GALNT18: variants seen among roughly 807,000 people sequenced by gnomAD.
GALNT18 encodes polypeptide N-acetylgalactosaminyltransferase 18, also known as GalNAc-transferase 18.
Under a neutral mutation model 69.5 loss-of-function variants are expected in GALNT18, and 44 were observed. That is an observed-to-expected ratio of 0.63 (90% CI 0.50 to 0.81). GALNT18 has a LOEUF of 0.81. GALNT18 is among the 40% of genes least tolerant of loss of function. The pLI is 0.00. For missense variants in GALNT18, 715 were observed against 810.0 expected (o/e 0.88, Z 1.42); for synonymous variants, 364 against 318.2 (o/e 1.14, Z -1.53).
chr11:11,457,545 C>A (rs12161778), intron 1 of GALNT18, among the ~76,000 whole-genome samples: 28,011 of 152,138 alleles, frequency 0.18, 2,768 homozygotes, highest in South Asian at 0.26. Flanking sequence ...TAGGGCTCCC[C>A]CCTCAAGGTT....
At chr11:11,280,330 C>CT (rs1465216196) in intron 10 of GALNT18, among the ~76,000 whole-genome samples, 2 of 152,162 alleles carry the variant, frequency 1.3e-5, no homozygotes, top group East Asian at 3.9e-4. Flanking sequence ...TGAAAGAGAC[C>CT]TTGAAGGCCA....
chr11:11,581,668 G>A (rs188399921), intron 1 of GALNT18, among the ~76,000 whole-genome samples: 62 of 152,110 alleles, frequency 4.1e-4, no homozygotes, highest in Non-Finnish European at 6.5e-4. Context: ...ACTTTATCCC[G>A]CCTGGCTCCT....
At position 11,543,401 on chromosome 11, in the gene GALNT18, G is replaced by A. The variant is rs1279183554; in HGVS notation, c.235+77958C>T. 6.6e-6 allele frequency among the ~76,000 whole-genome samples: 1 copy of A among 152,252 alleles called. No individual in the cohort carries two copies. Among genetic ancestry groups the A allele is most frequent in the African/African-American group, 2.4e-5 (1 of 41,540 alleles). ...GACGTGGTGAGGACAAAGGAGCCTC[G>A]ATGGAGACCCACTCTGGAACTGGAT... is the stretch of plus-strand genomic sequence containing the variant. On this transcript the variant is annotated intron_variant, in intron 1 of 10. Transcript: ENST00000227756. The surrounding 1 kb of genome is among the most constrained non-coding windows in gnomAD (Gnocchi z 5.1).
Position 11,340,921 on chromosome 11 carries a change from C to G in GALNT18, c.1176G>C (p.Glu392Asp), listed in dbSNP as rs1171324770. Residue 392 changes from glutamate to aspartate, a missense_variant, in exon 7 of 11, where the codon GAG (glutamate) becomes GAC (aspartate). Glu to Asp is a conservative substitution (Grantham distance 45, BLOSUM62 2). Coordinates refer to ENST00000227756, the MANE Select transcript of GALNT18 (RefSeq NM_198516.3). This position sits in a 1 kb window ranked among gnomAD's most constrained non-coding sequence, Gnocchi z 4.2. ...TCCTGCGGACATGGGCGGTGAGGTC[C>G]TCTGTGTAGGGCTTGTGGGCTCGCT... ...HIERAHKPYT[E>D]DLTAHVRRNA... 1 of 1,614,106 alleles carries G rather than the reference C, an allele frequency of 6.2e-7. No individual in the cohort carries two copies. Among genetic ancestry groups the G allele is most frequent in the African/African-American group, 1.3e-5 (1 of 75,044 alleles).
In GALNT18 at chr11:11,465,860, A is replaced by T. The variant is rs1351815983; in HGVS notation, c.236-16924T>A. 6.6e-6 allele frequency among the ~76,000 whole-genome samples: 1 copy of T among 152,096 alleles called. No homozygotes were observed. The highest frequency in any genetic ancestry group is 1.9e-4 in the East Asian group (1 of 5,190). On this transcript the variant is annotated intron_variant, in intron 1 of 10. Transcript: ENST00000227756. This position sits in a 1 kb window ranked among gnomAD's most constrained non-coding sequence, Gnocchi z 5.7. Reference sequence around the variant, plus strand: ...GGCTTGCACTGTCATACTGCTGAGTACTTCTGCCTTCTTCCCTGGCCTCAC... The same window carrying T: ...GGCTTGCACTGTCATACTGCTGAGTTCTTCTGCCTTCTTCCCTGGCCTCAC...
chr11:11,443,325 G>T (rs1477209626), intron 2 of GALNT18, among the ~76,000 whole-genome samples: 2 of 152,028 alleles, frequency 1.3e-5, no homozygotes, highest in African/African-American at 4.8e-5. Context: ...CACCCCTTGG[G>T]CAAAGGACTT....
intron 1 of GALNT18, among the ~76,000 whole-genome samples, chr11:11,575,480 A>G (rs1170042460): frequency 6.6e-6 from 1 of 152,222 alleles, no homozygotes; most frequent in African/African-American, 2.4e-5. Flanking sequence ...GAGGGTAGGC[A>G]AGGAGGCTGG....
intron 2 of GALNT18, among the ~76,000 whole-genome samples, chr11:11,440,893 G>A (rs956840403): frequency 6.6e-6 from 1 of 152,178 alleles, no homozygotes; most frequent in Non-Finnish European, 1.5e-5. Flanking sequence ...GGAAAACCAA[G>A]GCACAGAGAG....
At chr11:11,316,947 A>G (rs914683892) in intron 9 of GALNT18, among the ~76,000 whole-genome samples, 2 of 152,232 alleles carry the variant, frequency 1.3e-5, no homozygotes, top group Non-Finnish European at 2.9e-5. Context: ...TACTCAACGC[A>G]TGTTTGTTGA....
intron 3 of GALNT18, among the ~76,000 whole-genome samples, chr11:11,420,303 C>T (rs761203592): frequency 6.6e-6 from 1 of 152,126 alleles, no homozygotes; most frequent in Non-Finnish European, 1.5e-5. Context: ...TCTAGCACCA[C>T]CTCCCGCCCT....
intron 1 of GALNT18, among the ~76,000 whole-genome samples, chr11:11,539,638 C>G (rs934250258): frequency 2.0e-5 from 3 of 152,264 alleles, no homozygotes; most frequent in Admixed American, 2.0e-4. Context: ...GGGAAACTGC[C>G]CACTTGGGAG....
Position 11,500,338 on chromosome 11 carries a change from C to A in GALNT18, c.236-51402G>T, listed in dbSNP as rs1276109993. Among the ~76,000 whole-genome samples, 1 of 152,198 alleles carries A rather than the reference C, an allele frequency of 6.6e-6. No individual in the cohort carries two copies. Among genetic ancestry groups the A allele is most frequent in the Non-Finnish European group, 1.5e-5 (1 of 68,026 alleles). On this transcript the variant is annotated intron_variant, in intron 1 of 10. Coordinates refer to ENST00000227756, the MANE Select transcript of GALNT18 (RefSeq NM_198516.3). This position sits in a 1 kb window ranked among gnomAD's most constrained non-coding sequence, Gnocchi z 5.0. ...GTTTCAAATCCCAATTTCTTCACTT[C>A]TTTCTTGAGTGGCTTTAGGTACATG...
intron 1 of GALNT18, among the ~76,000 whole-genome samples, chr11:11,570,455 G>A (rs1858764886): frequency 6.6e-6 from 1 of 152,196 alleles, no homozygotes. Context: ...TCCGGCCCCT[G>A]CCCTGCCCTT....
chr11:11,529,638 TACAC>T (rs765431311), intron 1 of GALNT18, among the ~76,000 whole-genome samples: 11 of 72,954 alleles, frequency 1.5e-4, no homozygotes, highest in East Asian at 5.2e-3. Flanking sequence ...TATATATATA[TACAC>T]ACACACACAC....
chr11:11,407,474 C>T (rs1238811530), intron 3 of GALNT18, among the ~76,000 whole-genome samples: 1 of 152,228 alleles, frequency 6.6e-6, no homozygotes, highest in African/African-American at 2.4e-5. Context: ...GCACACACGT[C>T]TCTGTTCTGC....
At chr11:11,577,585 C>T (rs1408436466) in intron 1 of GALNT18, among the ~76,000 whole-genome samples, 1 of 152,170 alleles carries the variant, frequency 6.6e-6, no homozygotes, top group Non-Finnish European at 1.5e-5. Context: ...ACAAGGGGGC[C>T]TAAGTAAAGC....
At chr11:11,515,072 G>A (rs1395250527) in intron 1 of GALNT18, among the ~76,000 whole-genome samples, 1 of 152,186 alleles carries the variant, frequency 6.6e-6, no homozygotes, top group East Asian at 1.9e-4. Context: ...TTCAAGTTTT[G>A]AATCTGCCAC....
At position 11,562,620 on chromosome 11, in the gene GALNT18, C is replaced by A. The variant is rs1858540814; in HGVS notation, c.235+58739G>T. Among the ~76,000 whole-genome samples the A allele has an allele frequency of 1.3e-5, 2 of 152,126 alleles. No homozygotes were observed. Among genetic ancestry groups the A allele is most frequent in the African/African-American group, 2.4e-5 (1 of 41,406 alleles). On this transcript the variant is annotated intron_variant, in intron 1 of 10. Coordinates refer to ENST00000227756, the MANE Select transcript of GALNT18 (RefSeq NM_198516.3). The surrounding 1 kb of genome is among the most constrained non-coding windows in gnomAD (Gnocchi z 4.1). ...CTACCCCAGCAACCCCATGGCACAG[C>A]ACAATTTCAAGGCCCCACATGGACG...
At chr11:11,316,034 C>T (rs1359294150) in intron 9 of GALNT18, among the ~76,000 whole-genome samples, 1 of 152,176 alleles carries the variant, frequency 6.6e-6, no homozygotes, top group East Asian at 1.9e-4. Flanking sequence ...AATACAGAGA[C>T]CCAATTAACC....
Sources: gnomAD v4.1 joint callset for allele counts (sites outside exome capture counted in the v4.1 genomes callset) on GRCh38, gnomAD v4.1.1 for gene constraint, Gnocchi (gnomAD v3.1) non-coding constraint, MANE v1.5 for transcripts, NCBI Gene and HGNC (gene_info 2026-07-23, HGNC 2026-07-21) for gene names.